The following AGPS variants were observed in gnomAD, a reference collection of about 807,000 sequenced individuals.
AGPS encodes alkyldihydroxyacetonephosphate synthase, peroxisomal.
A neutral mutation model predicts 90.7 loss-of-function variants in AGPS; 26 were observed. That is an observed-to-expected ratio of 0.29 (90% CI 0.21 to 0.40). The LOEUF (loss-of-function observed/expected upper bound fraction) is 0.40. Ranked by LOEUF, AGPS falls within the 10% of genes least tolerant of loss-of-function variation. AGPS has a pLI of 1.00. For missense variants in AGPS, 540 were observed against 816.1 expected (o/e 0.66, Z 4.12); for synonymous variants, 294 against 285.3 (o/e 1.03, Z -0.31).
At chr2:177,491,429 C>CTTTTTTTT (rs1051275473) in intron 11 of AGPS, among the ~76,000 whole-genome samples, 16 of 118,240 alleles carry the variant, frequency 1.4e-4, no homozygotes, top group Non-Finnish European at 1.9e-4. Flanking sequence ...TGACTAATTT[C>CTTTTTTTT]TTTTTTTTTT....
chr2:177,447,579 G>A (rs958530381), intron 8 of AGPS, among the ~76,000 whole-genome samples: 3 of 150,242 alleles, frequency 2.0e-5, no homozygotes, highest in Non-Finnish European at 3.0e-5. Context: ...ATTTGATGTA[G>A]TATTTTAACC....
At chr2:177,453,096 C>G (rs189155696) in intron 8 of AGPS, among the ~76,000 whole-genome samples, 1 of 151,764 alleles carries the variant, frequency 6.6e-6, no homozygotes, top group African/African-American at 2.4e-5. Flanking sequence ...TTTATTTCAC[C>G]TTTGTTTTTA....
chr2:177,527,134 T>A (rs1477224206), intron 19 of AGPS, among the ~76,000 whole-genome samples: 3 of 151,976 alleles, frequency 2.0e-5, no homozygotes, highest in South Asian at 2.1e-4. Context: ...AATTTTTTTT[T>A]AAATGTATAT....
chr2:177,465,046 T>G (rs982622726), intron 9 of AGPS, among the ~76,000 whole-genome samples: 1 of 152,236 alleles, frequency 6.6e-6, no homozygotes, highest in African/African-American at 2.4e-5. Context: ...AGTTCACACC[T>G]GTAATCCCAG....
In AGPS at chr2:177,436,964, T is replaced by C; in HGVS notation, c.563-16T>C. 1 of 1,613,000 alleles carries C rather than the reference T, an allele frequency of 6.2e-7. No individual in the cohort carries two copies. Among genetic ancestry groups the C allele is most frequent in the Non-Finnish European group, 8.5e-7 (1 of 1,179,576 alleles). On this transcript the variant is annotated splice_polypyrimidine_tract_variant and intron_variant, in intron 4 of 19. Transcript: ENST00000264167. ...AAGCTGTTTTTGTGTTTTTCTTTTT[T>C]TTAACCACAAAACAGGTCATTGTCT...
intron 5 of AGPS, among the ~76,000 whole-genome samples, chr2:177,440,671 G>A (rs1686576055): frequency 6.6e-6 from 1 of 152,152 alleles, no homozygotes; most frequent in Non-Finnish European, 1.5e-5. Context: ...TATTGTATCA[G>A]TGTTGATTGC....
intron 17 of AGPS, among the ~76,000 whole-genome samples, chr2:177,517,991 G>T (rs1419717187): frequency 6.6e-6 from 1 of 152,190 alleles, no homozygotes. Flanking sequence ...AAGTGATAGT[G>T]AAGTGCTCTT....
Position 177,538,213 on chromosome 2 carries a change from CA to C in AGPS, c.*25del. 1.2e-6 allele frequency: 2 copies of C among 1,609,690 alleles called. No individual in the cohort carries two copies. The highest frequency in any genetic ancestry group is 8.5e-7 in the Non-Finnish European group (1 of 1,177,002). On this transcript the variant is annotated 3_prime_UTR_variant, in exon 20 of 20. Transcript: ENST00000264167. ...TTTTATAAATCCATTAGTACCATTA[CA>C]AAAAAATGTCAATTTTTTTTTTAAG...
chr2:177,502,437 A>G lies in AGPS; in HGVS notation c.1475+2707A>G, dbSNP rs1164547265. Among the ~76,000 whole-genome samples the G allele has an allele frequency of 7.0e-5, 9 of 128,700 alleles. No homozygotes were observed. In the East Asian group the frequency reaches 8.8e-4, roughly 13 times the overall value. The allele number at this position is 128,700 out of a possible 152,430, so 84.4% of individuals were successfully genotyped here. Reference sequence around the variant, plus strand: ...TTTTTTTTTTTTTTTTTTTGAGACAATGTCTTGCTCTGTCACTCAGGCTGG... The same window carrying G: ...TTTTTTTTTTTTTTTTTTTGAGACAGTGTCTTGCTCTGTCACTCAGGCTGG... On this transcript the variant is annotated intron_variant, in intron 14 of 19. Transcript: ENST00000264167.
intron 17 of AGPS, among the ~76,000 whole-genome samples, chr2:177,518,632 G>A (rs1689092093): frequency 6.6e-6 from 1 of 151,712 alleles, no homozygotes; most frequent in Admixed American, 6.6e-5. Flanking sequence ...GGAATTCACT[G>A]TAAAGAAGAG....
chr2:177,499,762 A>G, intron 14 of AGPS, 32 bp downstream of exon 14: 1 of 1,387,208 alleles, frequency 7.2e-7, no homozygotes, highest in Non-Finnish European at 1.0e-6. Context: ...GCCAAGAGAA[A>G]GAGTTAAAAG....
At chr2:177,460,155 G>C (rs2105663734) in intron 8 of AGPS, among the ~76,000 whole-genome samples, 1 of 152,246 alleles carries the variant, frequency 6.6e-6, no homozygotes, top group African/African-American at 2.4e-5. Context: ...TCACACAGTG[G>C]GGCCTGGGGC....
At chr2:177,421,999 T>TGACTGG (rs1254105858) in intron 2 of AGPS, among the ~76,000 whole-genome samples, 2 of 152,142 alleles carry the variant, frequency 1.3e-5, no homozygotes, top group Non-Finnish European at 2.9e-5. Context: ...AAGGTGTGTG[T>TGACTGG]GTATGTGTGT....
intron 16 of AGPS, among the ~76,000 whole-genome samples, chr2:177,512,333 A>G (rs1688899146): frequency 6.6e-6 from 1 of 152,038 alleles, no homozygotes; most frequent in East Asian, 1.9e-4. Context: ...TATACCTGCA[A>G]CTCTCATAAA....
At position 177,416,928 on chromosome 2, in the gene AGPS, G is replaced by C. The variant is rs534234244; in HGVS notation, c.261-3341G>C. ...TTAATTGACCTCTGGGGTTAGTTGA[G>C]AATTGGATTCTTTTATTTGAATCTT... is the stretch of plus-strand genomic sequence containing the variant. On this transcript the variant is annotated intron_variant, in intron 1 of 19. Transcript: ENST00000264167. Among the ~76,000 whole-genome samples the C allele has an allele frequency of 8.8e-4, 134 of 152,282 alleles. 2 individuals carry two copies. In the South Asian group the frequency reaches 0.021, roughly 24 times the overall value.
chr2:177,522,175 C>A (rs1689214032), intron 18 of AGPS, among the ~76,000 whole-genome samples: 1 of 152,000 alleles, frequency 6.6e-6, no homozygotes, highest in African/African-American at 2.4e-5. Context: ...ACCTGTGAAA[C>A]CATCACCCCA....
intron 16 of AGPS, 51 bp from the exon 17 acceptor site, chr2:177,513,766 TTG>T: frequency 7.6e-7 from 1 of 1,315,558 alleles, no homozygotes; most frequent in East Asian, 2.3e-5. Context: ...TTATTAGCAC[TTG>T]TGTAGTTCTC....
intron 10 of AGPS, 115 bp downstream of exon 10, chr2:177,468,639 A>C: frequency 1.4e-6 from 1 of 711,758 alleles, no homozygotes; most frequent in Non-Finnish European, 2.4e-6. Flanking sequence ...TGTTTAAGGA[A>C]TTTTTTAAAT....
At chr2:177,491,429 CTTTTTTTTT>C (rs1051275473) in intron 11 of AGPS, among the ~76,000 whole-genome samples, 1 of 118,250 alleles carries the variant, frequency 8.5e-6, no homozygotes, top group Non-Finnish European at 1.8e-5. Context: ...TGACTAATTT[CTTTTTTTTT>C]TTTTTTTTTT....
Sources: gnomAD v4.1 joint callset for allele counts (sites outside exome capture counted in the v4.1 genomes callset) on GRCh38, gnomAD v4.1.1 for gene constraint, MANE v1.5 for transcripts, NCBI Gene and HGNC (gene_info 2026-07-23, HGNC 2026-07-21) for gene names.